Variants in BRCA1 observed in about 807,000 individuals in gnomAD.
BRCA1 encodes BRCA1 DNA repair associated.
A neutral mutation model predicts 173.7 loss-of-function variants in BRCA1; 140 were observed. The ratio of observed to expected loss-of-function variants is 0.81; its 90% CI spans 0.70 to 0.93. The LOEUF (loss-of-function observed/expected upper bound fraction) is 0.93. Ranked by LOEUF, BRCA1 falls within the 40% of genes least tolerant of loss-of-function variation. The pLI, the probability that BRCA1 is intolerant of heterozygous loss-of-function variation, is 0.00. For synonymous variants in BRCA1, 662 were observed against 756.0 expected (o/e 0.88, Z 2.04); for missense variants, 1,983 against 2,172.5 (o/e 0.91, Z 1.73).
intron 1 of BRCA1, among the ~76,000 whole-genome samples, chr17:43,132,047 G>T (rs114350799): frequency 6.6e-6 from 1 of 152,160 alleles, no homozygotes. Context: ...GCCTCCCAAA[G>T]TTATGGGATT....
At chr17:43,135,042 G>A (rs2056005001) in intron 1 of BRCA1, among the ~76,000 whole-genome samples, 1 of 152,236 alleles carries the variant, frequency 6.6e-6, no homozygotes. Flanking sequence ...TTCGTTGTGG[G>A]TGGAGGGTAC....
intron 17 of BRCA1, among the ~76,000 whole-genome samples, chr17:43,063,575 A>G (rs1390955297): frequency 2.0e-5 from 3 of 152,234 alleles, no homozygotes; most frequent in African/African-American, 4.8e-5. Flanking sequence ...TTTAAACATT[A>G]TAAGTTTGCC....
intron 14 of BRCA1, among the ~76,000 whole-genome samples, chr17:43,072,470 T>C (rs2052494524): frequency 6.6e-6 from 1 of 151,766 alleles, no homozygotes; most frequent in Non-Finnish European, 1.5e-5. Flanking sequence ...GGCACAAACA[T>C]GGCTCACCTG....
intron 1 of BRCA1, among the ~76,000 whole-genome samples, chr17:43,156,097 C>A (rs1470020235): frequency 6.6e-6 from 1 of 152,030 alleles, no homozygotes; most frequent in Non-Finnish European, 1.5e-5. Context: ...ATTAACCAGG[C>A]ATGGTGGCAC....
At chr17:43,109,528 C>T (rs988273183) in intron 3 of BRCA1, among the ~76,000 whole-genome samples, 7 of 152,102 alleles carry the variant, frequency 4.6e-5, no homozygotes, top group Non-Finnish European at 1.5e-5. Context: ...GATATAGATG[C>T]TTCAAGTACC....
chr17:43,119,873 C>T (rs747373266), intron 2 of BRCA1, among the ~76,000 whole-genome samples: 2 of 152,072 alleles, frequency 1.3e-5, no homozygotes, highest in Admixed American at 1.3e-4. Flanking sequence ...ACTGTAAACA[C>T]AAACTTTGAA....
intron 20 of BRCA1, chr17:43,050,097 C>T: frequency 2.5e-6 from 1 of 398,618 alleles, no homozygotes; most frequent in Admixed American, 4.4e-5. Context: ...ACTCATCTGC[C>T]TGTGACCAGA....
chr17:43,079,888 C>T, intron 12 of BRCA1: 1 of 644,896 alleles, frequency 1.6e-6, no homozygotes. Flanking sequence ...CTACAATGGG[C>T]CTCATGCAAT....
chr17:43,105,651 A>G (rs1381958547), intron 4 of BRCA1, among the ~76,000 whole-genome samples: 1 of 152,152 alleles, frequency 6.6e-6, no homozygotes, highest in Non-Finnish European at 1.5e-5. Context: ...ATAGATAACA[A>G]TGTCCAAAGG....
Position 43,045,048 on chromosome 17 carries a change from C to T in BRCA1, c.*630G>A, listed in dbSNP as rs2152343571. The T allele has an allele frequency of 2.0e-6, 1 of 512,188 alleles. No homozygotes were observed. The highest frequency in any genetic ancestry group is 1.5e-5 in the South Asian group (1 of 64,962). 31.7% of individuals were successfully genotyped at this position (512,188 alleles called of 1,614,324 possible). On this transcript the variant is annotated 3_prime_UTR_variant, in exon 23 of 23. Transcript: ENST00000357654. ...CGAACTCCTGACCTCCAGTGATCTG[C>T]CCACCTTGGCCTCCCAAAGTGCTGG...
At chr17:43,165,852 T>G (rs2056263320) in intron 1 of BRCA1, 1 of 151,872 alleles carries the variant, frequency 6.6e-6, no homozygotes, top group Non-Finnish European at 1.5e-5. Context: ...TTAGCAAACT[T>G]TAGTTGAAAA....
intron 15 of BRCA1, among the ~76,000 whole-genome samples, chr17:43,068,305 C>A (rs1394466943): frequency 6.6e-6 from 1 of 151,032 alleles, no homozygotes; most frequent in Non-Finnish European, 1.5e-5. Flanking sequence ...CCTGAAGTCT[C>A]AAATAAATAG....
At chr17:43,140,054 T>C (rs1310785368) in intron 1 of BRCA1, 2 of 395,764 alleles carry the variant, frequency 5.1e-6, no homozygotes, top group Non-Finnish European at 1.0e-5. Flanking sequence ...CTAACTATGG[T>C]TGGAAGCTTA....
At chr17:43,129,352 C>T (rs1013158325), upstream of BRCA1, among the ~76,000 whole-genome samples, 3 of 152,360 alleles carry the variant, frequency 2.0e-5, no homozygotes, top group Admixed American at 6.5e-5. Flanking sequence ...TTCCTGTTTT[C>T]TCTTAGTTGG....
intron 1 of BRCA1, among the ~76,000 whole-genome samples, chr17:43,156,764 G>T (rs1174374022): frequency 6.6e-6 from 1 of 152,062 alleles, no homozygotes; most frequent in East Asian, 1.9e-4. Context: ...TTATATTTCA[G>T]TATGGTAATT....
chr17:43,073,841 G>A (rs1230796046), intron 14 of BRCA1, among the ~76,000 whole-genome samples: 1 of 151,974 alleles, frequency 6.6e-6, no homozygotes, highest in African/African-American at 2.4e-5. Flanking sequence ...CGCAACCTCC[G>A]CCTCCCGGGT....
chr17:43,147,149 C>T (rs113722406), intron 1 of BRCA1, among the ~76,000 whole-genome samples: 2,150 of 152,222 alleles, frequency 0.014, 54 homozygotes, highest in African/African-American at 0.049. Context: ...TTACAGGCTG[C>T]GCCACCGCGC....
chr17:43,082,656 A>G, intron 11 of BRCA1, 81 bp from the exon 12 acceptor site: 1 of 1,482,356 alleles, frequency 6.7e-7, no homozygotes, highest in Admixed American at 1.7e-5. Context: ...CATACAAATT[A>G]ATTTTAGCAC....
At chr17:43,081,841 G>A (rs1402433600) in intron 12 of BRCA1, among the ~76,000 whole-genome samples, 2 of 152,092 alleles carry the variant, frequency 1.3e-5, no homozygotes, top group Non-Finnish European at 2.9e-5. Flanking sequence ...TTTGATAACT[G>A]TAACATTGCT....
Sources: allele counts gnomAD v4.1 joint callset (sites outside exome capture counted in the v4.1 genomes callset), GRCh38; gene constraint gnomAD v4.1.1; transcripts MANE v1.5; gene names NCBI Gene and HGNC (gene_info 2026-07-23, HGNC 2026-07-21).